SMARCC2: variants seen among roughly 807,000 people sequenced by gnomAD.
SMARCC2 encodes the protein SWI/SNF related BAF chromatin remodeling complex subunit C2, also known as SWI/SNF complex subunit SMARCC2.
A neutral mutation model predicts 151.3 loss-of-function variants in SMARCC2; 15 were observed. The observed-to-expected ratio is 0.10, with a 90% CI of 0.07 to 0.15. SMARCC2 has a LOEUF of 0.15. Among genes scored for constraint, SMARCC2 ranks in the 10% least tolerant of loss-of-function variants. SMARCC2 has a pLI of 1.00. For synonymous variants in SMARCC2, 590 were observed against 609.5 expected (o/e 0.97, Z 0.47); for missense variants, 1,031 against 1,599.7 (o/e 0.64, Z 6.06).
chr12:56,184,934 A>T lies in SMARCC2; in HGVS notation c.402T>A (p.Asn134Lys). Residue 134 changes from asparagine to lysine, a missense_variant and splice_region_variant, in exon 5 of 29, where the codon AAT becomes AAA. Asn to Lys is a moderately conservative substitution (Grantham distance 94, BLOSUM62 0). Around this residue, in one of 12 missense-constraint regions of SMARCC2, gnomAD observed 16 missense variants for 56.0 expected, o/e 0.29. Transcript: ENST00000550164. ...FMTIEKSLVQNNCLSRPNIFL... is the reference protein window; with the variant it reads ...FMTIEKSLVQKNCLSRPNIFL... ...AAATGTTAGGTCGAGACAGGCAATT[A>T]TTCTGTGGAGAGAAGAAATAGAATG... 1 of 1,611,474 alleles carries T rather than the reference A, an allele frequency of 6.2e-7. No individual in the cohort carries two copies. The highest frequency in any genetic ancestry group is 8.5e-7 in the Non-Finnish European group (1 of 1,177,592).
rs1167262469 is a variant in SMARCC2 at position 56,169,890 on chromosome 12, C to A, written c.2434G>T (p.Ala812Ser). Reference protein sequence around the residue: ...EPKEPREGGGAIEEEAKEKTS... With the variant: ...EPKEPREGGGSIEEEAKEKTS... ...TTCTCTTTTGCTTCCTCCTCTATAG[C>A]ACCCCCTCCTTCTCGGGGTTCCTGA... Residue 812 changes from alanine (A) to serine (S), a missense_variant, in exon 24 of 29, where the codon GCT becomes TCT. This residue lies in a region of SMARCC2 where 119 missense variants were observed against 184.2 expected (regional missense o/e 0.65). Coordinates refer to ENST00000550164, the MANE Select transcript of SMARCC2 (RefSeq NM_001330288.2). 1 of 1,614,002 alleles carries A rather than the reference C, an allele frequency of 6.2e-7. No individual in the cohort carries two copies. Among genetic ancestry groups the A allele is most frequent in the East Asian group, 2.2e-5 (1 of 44,888 alleles).
Position 56,181,013 on chromosome 12 carries a change from C to A in SMARCC2, c.1045G>T (p.Val349Phe). The change falls in exon 11 of 29, where the codon GTC (valine) becomes TTC (phenylalanine). Residue 349 changes from valine to phenylalanine, a missense_variant. By Grantham distance (50) the Val-to-Phe change is conservative. Coordinates refer to ENST00000550164, the MANE Select transcript of SMARCC2 (RefSeq NM_001330288.2). The part of the protein sequence containing the change: ...LTKDMDEPSP[V>F]PNVEEVTLPK... ...AGTGTCACCTCTTCTACATTGGGGA[C>A]TGGTGAGGGCTCGTCCATGTCCTTT... 6.2e-7 allele frequency: 1 copy of A among 1,613,728 alleles called. No individual in the cohort carries two copies.
At chr12:56,183,139 C>T (rs1481806680) in intron 7 of SMARCC2, among the ~76,000 whole-genome samples, 1 of 151,876 alleles carries the variant, frequency 6.6e-6, no homozygotes, top group Admixed American at 6.6e-5. Context: ...TGCACCCAGC[C>T]TACGTGCTAT....
intron 1 of SMARCC2, among the ~76,000 whole-genome samples, chr12:56,187,653 A>T (rs1877513394): frequency 6.6e-6 from 1 of 152,150 alleles, no homozygotes; most frequent in African/African-American, 2.4e-5. Flanking sequence ...GAGGTTTATA[A>T]AGTTCAGGTC....
chr12:56,185,213 C>G (rs542150871), intron 3 of SMARCC2, 102 bp from the exon 4 acceptor site: 1 of 898,176 alleles, frequency 1.1e-6, no homozygotes, highest in African/African-American at 1.6e-5. Context: ...GAGTCTTGCT[C>G]TGTCACCTAG....
intron 26 of SMARCC2, 62 bp from the exon 27 acceptor site, chr12:56,165,761 A>C: frequency 2.0e-6 from 3 of 1,512,632 alleles, no homozygotes; most frequent in Non-Finnish European, 2.7e-6. Flanking sequence ...CAAATGCCTC[A>C]ACCCCTGCTT....
chr12:56,169,566 GCA>G lies in SMARCC2; in HGVS notation c.2676_2677del (p.Ala893CysfsTer12). 6.2e-7 allele frequency: 1 copy of G among 1,614,210 alleles called. No homozygotes were observed. The highest frequency in any genetic ancestry group is 8.5e-7 in the Non-Finnish European group (1 of 1,180,034). ...TGCGGCGGCGGCCAGGGCGGCGGCAGCAGCGGTGGAGAGGTTGCCCTCGCCAA... is the reference window on the plus strand; with the variant it reads ...TGCGGCGGCGGCCAGGGCGGCGGCAGGCGGTGGAGAGGTTGCCCTCGCCAA... On this transcript the variant is annotated frameshift_variant, in exon 25 of 29. Coordinates refer to ENST00000550164, the MANE Select transcript of SMARCC2 (RefSeq NM_001330288.2). LOFTEE classifies it high-confidence loss of function.
Position 56,184,871 on chromosome 12 carries a change from T to C in SMARCC2, c.465A>G (p.Lys155=), listed in dbSNP as rs1308103077. The C allele has an allele frequency of 1.2e-6, 2 of 1,611,946 alleles. No individual in the cohort carries two copies. The highest frequency in any genetic ancestry group is 1.7e-5 in the Admixed American group (1 of 60,014). The change falls in exon 5 of 29, where the codon AAA becomes AAG. Residue 155 remains lysine, a synonymous_variant. Coordinates refer to ENST00000550164, the MANE Select transcript of SMARCC2 (RefSeq NM_001330288.2). Reference sequence around the variant, plus strand: ...GGTGTCTCTTGATAATGTCCTTTAATTTCCCTAGTAGTTTGGGCTCAATTT... The same window carrying C: ...GGTGTCTCTTGATAATGTCCTTTAACTTCCCTAGTAGTTTGGGCTCAATTT... ...CPEIEPKLLG[K]LKDIIKRHQG...
rs1239530377 is a variant in SMARCC2, at chr12:56,181,538, C to T, written c.900G>A (p.Lys300=). The T allele has an allele frequency of 6.3e-6, 10 of 1,581,598 alleles. No individual in the cohort carries two copies. Among genetic ancestry groups the T allele is most frequent in the Non-Finnish European group, 8.6e-6 (10 of 1,166,052 alleles). The change falls in exon 10 of 29, where the codon AAG becomes AAA. Residue 300 remains lysine, a synonymous_variant. Coordinates refer to ENST00000550164, the MANE Select transcript of SMARCC2 (RefSeq NM_001330288.2). ...GGGTTGGTGAAGGAGAGGGGGAGCGCTTCCTCTTCTTATAGTTTCCCCCCT... is the reference window on the plus strand; with the variant it reads ...GGGTTGGTGAAGGAGAGGGGGAGCGTTTCCTCTTCTTATAGTTTCCCCCCT... ...DKKGGNYKKR[K]RSPSPSPTPE...
chr12:56,173,984 C>T (rs951414117), intron 16 of SMARCC2, 135 bp from the exon 17 acceptor site: 2 of 696,554 alleles, frequency 2.9e-6, no homozygotes, highest in African/African-American at 3.6e-5. Context: ...TCATTGTACT[C>T]CTTAAGAAAT....
chr12:56,185,270 C>G (rs1485814262), intron 3 of SMARCC2, 159 bp from the exon 4 acceptor site: 1 of 612,602 alleles, frequency 1.6e-6, no homozygotes, highest in Non-Finnish European at 3.0e-6. Context: ...CCTCTGCCTC[C>G]CAGGTTCAAG....
intron 25 of SMARCC2, among the ~76,000 whole-genome samples, chr12:56,169,139 CAA>C (rs1181785253): frequency 2.0e-5 from 3 of 151,510 alleles, no homozygotes; most frequent in Admixed American, 1.3e-4. Flanking sequence ...ACTAAAAATA[CAA>C]AGAGTTAGCC....
Position 56,165,339 on chromosome 12 carries a change from C to A in SMARCC2, c.3211G>T (p.Val1071Phe), listed in dbSNP as rs1379917537. 4.7e-6 allele frequency: 7 copies of A among 1,498,862 alleles called. No individual in the cohort carries two copies. The highest frequency in any genetic ancestry group is 6.2e-6 in the Non-Finnish European group (7 of 1,127,408). 92.8% of individuals were successfully genotyped at this position (1,498,862 alleles called of 1,614,324 possible). The change falls in exon 27 of 29, where the codon GTT (valine) becomes TTT (phenylalanine). Residue 1071 changes from valine (V) to phenylalanine (F), a missense_variant. Physicochemically the swap from Val to Phe is conservative, Grantham distance 50. Transcript: ENST00000550164. ...APQPGAVPPG[V>F]PPPGPHGPSP... ...TTACCATGGGGTCCAGGGGGGGGAA[C>A]CCCTGGTGGGACTGCCCCAGGCTGG...
rs778733911 is a variant in SMARCC2, at chr12:56,181,838, A to G, written c.709-3T>C. On this transcript the variant is annotated splice_polypyrimidine_tract_variant and splice_region_variant and intron_variant, in intron 8 of 28. Transcript: ENST00000550164. ...TCCAGGATCCACTTTGCATGAACCT[A>G]AAGTACAAAGGCAGATCATGCTGCA... The G allele has an allele frequency of 2.5e-6, 4 of 1,614,136 alleles. No individual in the cohort carries two copies. Among genetic ancestry groups the G allele is most frequent in the East Asian group, 2.2e-5 (1 of 44,890 alleles).
intron 22 of SMARCC2, 131 bp from the exon 23 acceptor site, chr12:56,170,339 C>T (rs534430650): frequency 9.3e-6 from 7 of 756,706 alleles, no homozygotes; most frequent in South Asian, 4.7e-5. Flanking sequence ...CCTGGGCCCA[C>T]GCAATCCTCC....
Position 56,187,275 on chromosome 12 carries a change from G to T in SMARCC2, c.143C>A (p.Ser48Tyr). ...YIQAEPPTNK[S>Y]LSSLVVQLLQ... The stretch of plus-strand genomic sequence containing the variant: ...CAACTGTACAACCAGGCTAGACAGG[G>T]ACTTGTTGGTGGGTGGTTCAGCTTG... Residue 48 changes from serine (S) to tyrosine (Y), a missense_variant, in exon 2 of 29, where the codon TCC (serine) becomes TAC (tyrosine). Physicochemically the swap from Ser to Tyr is moderately radical, Grantham distance 144. Coordinates refer to ENST00000550164, the MANE Select transcript of SMARCC2 (RefSeq NM_001330288.2). 1.2e-6 allele frequency: 2 copies of T among 1,613,748 alleles called. No individual in the cohort carries two copies. The highest frequency in any genetic ancestry group is 2.2e-5 in the South Asian group (2 of 91,062).
rs1299365929 is a variant in SMARCC2 at position 56,178,815 on chromosome 12, CCGT to C, written c.1171_1173del (p.Thr391del). On this transcript the variant is annotated inframe_deletion, in exon 13 of 29. Transcript: ENST00000550164. ...CCTCTCTAAACTGGCTCCACCTTGC[CCGT>C]CGTCTCCATGCTTTCATCTTCCTGT... The C allele has an allele frequency of 1.2e-6, 2 of 1,613,940 alleles. No homozygotes were observed. The highest frequency in any genetic ancestry group is 1.6e-4 in the Middle Eastern group (1 of 6,082).
Position 56,172,475 on chromosome 12 carries a change from T to C in SMARCC2, c.1879A>G (p.Ser627Gly), listed in dbSNP as rs1213180745. The C allele has an allele frequency of 6.3e-7, 1 of 1,597,214 alleles. No individual in the cohort carries two copies. Among genetic ancestry groups the C allele is most frequent in the Non-Finnish European group, 8.5e-7 (1 of 1,170,106 alleles). Residue 627 changes from serine to glycine, a missense_variant, in exon 20 of 29, where the codon AGT (serine) becomes GGT (glycine). Physicochemically the swap from Ser to Gly is moderately conservative, Grantham distance 56. Coordinates refer to ENST00000550164, the MANE Select transcript of SMARCC2 (RefSeq NM_001330288.2). ...NVPSKSKAAASATREWTEQET... is the reference protein window; with the variant it reads ...NVPSKSKAAAGATREWTEQET... Reference sequence around the variant, plus strand: ...TGTTCTGTCCACTCACGAGTGGCACTGGCTGCAGCCTTGCTCTGCAGGGGA... The same window carrying C: ...TGTTCTGTCCACTCACGAGTGGCACCGGCTGCAGCCTTGCTCTGCAGGGGA...
At position 56,164,450 on chromosome 12, in the gene SMARCC2, T is replaced by C. The variant is rs781152017; in HGVS notation, c.3514A>G (p.Asn1172Asp). 1 of 1,613,338 alleles carries C rather than the reference T, an allele frequency of 6.2e-7. No individual in the cohort carries two copies. Among genetic ancestry groups the C allele is most frequent in the Non-Finnish European group, 8.5e-7 (1 of 1,179,818 alleles). ...PPPNLPVSMA[N>D]PLHPNLPATT... ...GCCGGCAGGTTAGGATGTAGAGGGT[T>C]CGCCATGGACACAGGCAGGTTAGGT... Residue 1172 changes from asparagine to aspartate, a missense_variant, in exon 28 of 29, where the codon AAC becomes GAC. This residue lies in a region of SMARCC2 where 310 missense variants were observed against 350.0 expected (regional missense o/e 0.89). Transcript: ENST00000550164.
Sources: allele counts gnomAD v4.1 joint callset (sites outside exome capture counted in the v4.1 genomes callset), GRCh38; gene constraint gnomAD v4.1.1; regional missense constraint gnomAD v4.1.1; transcripts MANE v1.5; gene names NCBI Gene and HGNC (gene_info 2026-07-23, HGNC 2026-07-21).